CPQ: variants seen among roughly 807,000 people sequenced by gnomAD.
The protein encoded by CPQ is carboxypeptidase Q, also known as Ser-Met dipeptidase.
Under a neutral mutation model 45.7 loss-of-function variants are expected in CPQ, and 37 were observed. The ratio of observed to expected loss-of-function variants is 0.81; its 90% confidence interval spans 0.62 to 1.07. The LOEUF is 1.07. Among genes scored for constraint, CPQ ranks in the 50% least tolerant of loss-of-function variants. CPQ has a pLI of 0.00. For missense variants in CPQ, 537 were observed against 572.9 expected (o/e 0.94, Z 0.64); for synonymous variants, 186 against 205.8 (o/e 0.90, Z 0.82).
intron 1 of CPQ, among the ~76,000 whole-genome samples, chr8:96,737,722 A>G (rs982280168): frequency 8.6e-5 from 13 of 152,020 alleles, no homozygotes; most frequent in African/African-American, 3.1e-4. Flanking sequence ...AGTCCAATCA[A>G]GTTGACACTC....
At chr8:97,112,930 G>T (rs973083693) in intron 7 of CPQ, among the ~76,000 whole-genome samples, 10 of 152,230 alleles carry the variant, frequency 6.6e-5, no homozygotes, top group South Asian at 2.1e-4. Context: ...TAGGGACAGA[G>T]GGAAGCCATT....
intron 1 of CPQ, among the ~76,000 whole-genome samples, chr8:96,660,652 T>TGTGA (rs1478700070): frequency 2.6e-5 from 4 of 151,832 alleles, no homozygotes; most frequent in African/African-American, 9.7e-5. Flanking sequence ...TGTGTGTGTG[T>TGTGA]GTGTGTGTGT....
At chr8:96,752,672 G>A (rs1357204127) in intron 1 of CPQ, among the ~76,000 whole-genome samples, 1 of 152,148 alleles carries the variant, frequency 6.6e-6, no homozygotes, top group East Asian at 1.9e-4. Flanking sequence ...ATGTTGAACA[G>A]GAGTGGTGAG....
intron 1 of CPQ, among the ~76,000 whole-genome samples, chr8:96,650,484 T>G (rs1815565241): frequency 6.6e-6 from 1 of 152,218 alleles, no homozygotes; most frequent in Non-Finnish European, 1.5e-5. Flanking sequence ...CTTTCTTTTA[T>G]AAACTTAAAA....
intron 6 of CPQ, among the ~76,000 whole-genome samples, chr8:97,043,236 T>A (rs891423526): frequency 5.1e-4 from 78 of 152,210 alleles, no homozygotes; most frequent in Non-Finnish European, 6.9e-4. Flanking sequence ...TTTACCATTA[T>A]GTAATGGCCT....
chr8:97,129,140 A>G (rs1043770336), intron 7 of CPQ, among the ~76,000 whole-genome samples: 1 of 152,216 alleles, frequency 6.6e-6, no homozygotes, highest in Non-Finnish European at 1.5e-5. Context: ...ATCTAATAGA[A>G]GGGATTTCAA....
chr8:97,041,082 A>C (rs199581999), intron 6 of CPQ, among the ~76,000 whole-genome samples: 71 of 152,234 alleles, frequency 4.7e-4, no homozygotes, highest in African/African-American at 1.5e-3. Flanking sequence ...GGCAGTATGG[A>C]CATTTTCATG....
At chr8:96,797,614 C>T (rs996723616) in intron 2 of CPQ, among the ~76,000 whole-genome samples, 2 of 152,100 alleles carry the variant, frequency 1.3e-5, no homozygotes, top group Non-Finnish European at 2.9e-5. Flanking sequence ...TCACATTTGC[C>T]ATATAAGTTA....
intron 1 of CPQ, among the ~76,000 whole-genome samples, chr8:96,655,258 T>C (rs1238466189): frequency 2.0e-5 from 3 of 152,150 alleles, no homozygotes; most frequent in Non-Finnish European, 2.9e-5. Context: ...TTTCTTCATC[T>C]TTTCCATTCT....
At chr8:97,016,412 G>A (rs1809580856) in intron 5 of CPQ, among the ~76,000 whole-genome samples, 1 of 152,148 alleles carries the variant, frequency 6.6e-6, no homozygotes, top group Non-Finnish European at 1.5e-5. Context: ...GGCAATGCAT[G>A]CTTTAGATTA....
chr8:97,125,050 C>G (rs1811824147), intron 7 of CPQ, among the ~76,000 whole-genome samples: 3 of 152,086 alleles, frequency 2.0e-5, no homozygotes, highest in Admixed American at 2.0e-4. Context: ...CTGGCAATCT[C>G]AGGTGTGAAA....
chr8:96,657,436 T>C (rs1050780414), intron 1 of CPQ, among the ~76,000 whole-genome samples: 1 of 152,192 alleles, frequency 6.6e-6, no homozygotes, highest in Non-Finnish European at 1.5e-5. Context: ...TCTTCTAATG[T>C]GGTTTTTATT....
intron 7 of CPQ, among the ~76,000 whole-genome samples, chr8:97,120,114 T>A (rs1811675217): frequency 6.6e-6 from 1 of 152,200 alleles, no homozygotes; most frequent in Admixed American, 6.5e-5. Context: ...CTAACACGTA[T>A]AAATATTAGG....
Position 96,847,283 on chromosome 8 carries a change from G to A in CPQ, c.641+12103G>A, listed in dbSNP as rs1025745309. ...ATTTTAACATCCGTTGATGACCCCT[G>A]CCTGAATCAATCATTGTACTGGAAG... On this transcript the variant is annotated intron_variant, in intron 3 of 7. Coordinates refer to ENST00000220763, the MANE Select transcript of CPQ (RefSeq NM_016134.4). Among the ~76,000 whole-genome samples, 7 of 152,234 alleles carry A rather than the reference G, an allele frequency of 4.6e-5. No homozygotes were observed. In the East Asian group the frequency reaches 1.2e-3, roughly 25 times the overall value.
chr8:96,984,120 G>A (rs1324259142), intron 5 of CPQ, among the ~76,000 whole-genome samples: 1 of 149,918 alleles, frequency 6.7e-6, no homozygotes, highest in South Asian at 2.1e-4. Flanking sequence ...CTTTTTTTTA[G>A]TGGTTACTAT....
At chr8:96,973,016 T>C (rs902035159) in intron 5 of CPQ, among the ~76,000 whole-genome samples, 17 of 152,176 alleles carry the variant, frequency 1.1e-4, no homozygotes, top group African/African-American at 4.1e-4. Context: ...TCACCAGCAA[T>C]GGATCCAAAC....
chr8:97,021,997 T>G (rs924984149), intron 5 of CPQ, among the ~76,000 whole-genome samples: 3 of 152,106 alleles, frequency 2.0e-5, no homozygotes, highest in Non-Finnish European at 4.4e-5. Context: ...TATAAGGCCA[T>G]AGTCACCAAA....
chr8:96,940,377 A>G (rs1170817392), intron 4 of CPQ, among the ~76,000 whole-genome samples: 2 of 152,182 alleles, frequency 1.3e-5, no homozygotes, highest in African/African-American at 2.4e-5. Context: ...TCTTTTTACC[A>G]AATTTGACTT....
chr8:96,773,348 G>A lies in CPQ; in HGVS notation c.-34-11516G>A, dbSNP rs111917921. The stretch of plus-strand genomic sequence containing the variant: ...GCCATTAAGTGATATAGTCTAGCAG[G>A]GTGACAGACACAAAAATGGTATCAT... On this transcript the variant is annotated intron_variant, in intron 1 of 7. Transcript: ENST00000220763. Among the ~76,000 whole-genome samples the A allele has an allele frequency of 2.2e-3, 334 of 152,228 alleles. 2 individuals carry two copies. Among genetic ancestry groups the A allele is most frequent in the African/African-American group, 6.9e-3 (287 of 41,534 alleles).
Sources: gnomAD v4.1 joint callset for allele counts (sites outside exome capture counted in the v4.1 genomes callset) on GRCh38, gnomAD v4.1.1 for gene constraint, MANE v1.5 for transcripts, NCBI Gene and HGNC (gene_info 2026-07-23, HGNC 2026-07-21) for gene names.